Variants in MECOM observed in about 807,000 individuals in gnomAD.
MECOM encodes the protein MDS1 and EVI1 complex locus.
A neutral mutation model predicts 116.3 loss-of-function variants in MECOM; 13 were observed. That is an observed-to-expected ratio of 0.11 (90% CI 0.07 to 0.18). The LOEUF (loss-of-function observed/expected upper bound fraction) is 0.18, where lower values mean the gene tolerates loss of function less well. Among genes scored for constraint, MECOM ranks in the 10% least tolerant of loss-of-function variants. MECOM has a pLI of 1.00. For synonymous variants in MECOM, 528 were observed against 535.2 expected, an observed-to-expected ratio of 0.99 and a Z score of 0.19; for missense variants, 1,299 against 1,509.0, an observed-to-expected ratio of 0.86 and a Z score of 2.31.
chr3:169,160,930 T>G (rs185895351), intron 2 of MECOM, among the ~76,000 whole-genome samples: 1 of 152,124 alleles, frequency 6.6e-6, no homozygotes, highest in Non-Finnish European at 1.5e-5. Context: ...GATAAAACAT[T>G]AGTGTGAATC....
intron 2 of MECOM, among the ~76,000 whole-genome samples, chr3:169,200,779 C>T (rs942537184): frequency 4.6e-5 from 7 of 152,022 alleles, no homozygotes; most frequent in African/African-American, 1.7e-4. Context: ...TCTGCCCAGG[C>T]CTAGAGACCA....
intron 2 of MECOM, among the ~76,000 whole-genome samples, chr3:169,295,436 T>C (rs1256142742): frequency 2.0e-5 from 3 of 152,314 alleles, no homozygotes; most frequent in East Asian, 1.9e-4. Flanking sequence ...CAGATGATGA[T>C]GTATAATTAT....
At chr3:169,356,168 A>G (rs1295719795) in intron 2 of MECOM, among the ~76,000 whole-genome samples, 4 of 151,866 alleles carry the variant, frequency 2.6e-5, no homozygotes, top group African/African-American at 9.7e-5. Flanking sequence ...CCAAGTGTTG[A>G]GGTGCAATGT....
chr3:169,647,628 C>T (rs1373255314), intron 1 of MECOM, among the ~76,000 whole-genome samples: 3 of 152,126 alleles, frequency 2.0e-5, no homozygotes. Context: ...TAATGTGGTT[C>T]CAGAGTCTAC....
intron 2 of MECOM, among the ~76,000 whole-genome samples, chr3:169,300,732 A>ATC (rs1716549408): frequency 6.6e-6 from 1 of 152,040 alleles, no homozygotes; most frequent in African/African-American, 2.4e-5. Flanking sequence ...TAGTTCATGA[A>ATC]TCTCTCTCTC....
Position 169,169,850 on chromosome 3 carries a change from T to C in MECOM, c.376-26018A>G, listed in dbSNP as rs569692700. On this transcript the variant is annotated intron_variant, in intron 2 of 16. Coordinates refer to ENST00000651503, the MANE Select transcript of MECOM (RefSeq NM_004991.4). ...CTACAGTTCTACTTTTTTTTTTTTT[T>C]CCCATGGGAAAGAAGCAAATACCAG... Among the ~76,000 whole-genome samples, 140 of 151,714 alleles carry C rather than the reference T, an allele frequency of 9.2e-4. 1 individual carries two copies. In the South Asian group the frequency reaches 9.4e-3, roughly 10 times the overall value.
chr3:169,352,913 C>T (rs1189501297), intron 2 of MECOM, among the ~76,000 whole-genome samples: 1 of 151,948 alleles, frequency 6.6e-6, no homozygotes, highest in Non-Finnish European at 1.5e-5. Flanking sequence ...TCTTATCTCT[C>T]TCTGCTCTCT....
chr3:169,515,757 A>T (rs901913425), intron 1 of MECOM, among the ~76,000 whole-genome samples: 3 of 152,240 alleles, frequency 2.0e-5, no homozygotes, highest in Non-Finnish European at 4.4e-5. Context: ...TCCACCACAT[A>T]CTACAGAGGG....
At chr3:169,531,113 TGA>T (rs1758572969) in intron 1 of MECOM, among the ~76,000 whole-genome samples, 1 of 152,198 alleles carries the variant, frequency 6.6e-6, no homozygotes, top group African/African-American at 2.4e-5. Flanking sequence ...CTCCCTGGTC[TGA>T]CATACCTTCC....
At chr3:169,124,805 C>G (rs3851383) in intron 5 of MECOM, among the ~76,000 whole-genome samples, 134,705 of 152,114 alleles carry the variant, frequency 0.89, 59,777 homozygotes, top group Admixed American at 0.9. Flanking sequence ...CAATAAAAAA[C>G]TTATTTAGAA....
At chr3:169,555,537 A>G (rs963067834) in intron 1 of MECOM, among the ~76,000 whole-genome samples, 7 of 152,242 alleles carry the variant, frequency 4.6e-5, no homozygotes, top group African/African-American at 1.4e-4. Context: ...CAGGGGTCTA[A>G]CAATGTAAAA....
At chr3:169,336,185 G>A (rs1013573370) in intron 2 of MECOM, among the ~76,000 whole-genome samples, 2 of 152,044 alleles carry the variant, frequency 1.3e-5, no homozygotes, top group Non-Finnish European at 2.9e-5. Flanking sequence ...ACTATTCTAT[G>A]TAAGTCACAG....
chr3:169,320,997 C>T (rs1386982063), intron 2 of MECOM, among the ~76,000 whole-genome samples: 1 of 152,008 alleles, frequency 6.6e-6, no homozygotes. Context: ...AGAAAATAAC[C>T]CAGGGTCTCC....
intron 1 of MECOM, among the ~76,000 whole-genome samples, chr3:169,587,186 A>T (rs1236063526): frequency 6.6e-6 from 1 of 152,150 alleles, no homozygotes; most frequent in African/African-American, 2.4e-5. Context: ...TTTTTGCCAG[A>T]CACTTCACAA....
intron 2 of MECOM, among the ~76,000 whole-genome samples, chr3:169,214,440 A>C (rs1027382080): frequency 2.2e-4 from 34 of 151,998 alleles, no homozygotes; most frequent in Non-Finnish European, 4.4e-4. Context: ...AAAAAAAAAA[A>C]AACAAACTCA....
At chr3:169,298,288 G>A (rs1429444264) in intron 2 of MECOM, among the ~76,000 whole-genome samples, 1 of 151,970 alleles carries the variant, frequency 6.6e-6, no homozygotes, top group East Asian at 1.9e-4. Flanking sequence ...CATATTAAAT[G>A]TTATCAATAT....
chr3:169,205,492 G>A (rs1046906198), intron 2 of MECOM, among the ~76,000 whole-genome samples: 1 of 152,124 alleles, frequency 6.6e-6, no homozygotes, highest in Admixed American at 6.6e-5. Flanking sequence ...GAAAAGTTAA[G>A]ACAAGGCTTT....
intron 1 of MECOM, among the ~76,000 whole-genome samples, chr3:169,441,066 A>C (rs1743571568): frequency 6.6e-6 from 1 of 152,222 alleles, no homozygotes; most frequent in Non-Finnish European, 1.5e-5. Context: ...GAATACAGAT[A>C]ACAATGAGTC....
intron 1 of MECOM, among the ~76,000 whole-genome samples, chr3:169,579,016 T>A (rs1290511642): frequency 6.6e-6 from 1 of 152,186 alleles, no homozygotes; most frequent in African/African-American, 2.4e-5. Flanking sequence ...CTGCACAACA[T>A]TGTATGTTAA....
Sources: gnomAD v4.1 joint callset for allele counts (sites outside exome capture counted in the v4.1 genomes callset) on GRCh38, gnomAD v4.1.1 for gene constraint, MANE v1.5 for transcripts, NCBI Gene and HGNC (gene_info 2026-07-23, HGNC 2026-07-21) for gene names.